Variants in SLC9C2 observed in about 807,000 individuals in gnomAD.
The protein encoded by SLC9C2 is sodium/hydrogen exchanger 11.
A neutral mutation model predicts 140.2 loss-of-function variants in SLC9C2; 75 were observed. The observed-to-expected ratio is 0.53, with a 90% CI of 0.44 to 0.65. The LOEUF is 0.65. Ranked by LOEUF, SLC9C2 falls within the 30% of genes least tolerant of loss-of-function variation. The probability of loss-of-function intolerance (pLI) is 0.00; values close to 1 mark genes in which losing one functional copy is unlikely to be tolerated. For synonymous variants in SLC9C2, 375 were observed against 420.9 expected (o/e 0.89, Z 1.34); for missense variants, 1,074 against 1,331.8 (o/e 0.81, Z 3.01).
chr1:173,585,366 A>G (rs1665789461), intron 5 of SLC9C2, among the ~76,000 whole-genome samples: 1 of 152,350 alleles, frequency 6.6e-6, no homozygotes, highest in South Asian at 2.1e-4. Flanking sequence ...GCATTTGGCA[A>G]AAAATAGTTT....
intron 4 of SLC9C2, among the ~76,000 whole-genome samples, chr1:173,589,852 G>A (rs1666056688): frequency 2.0e-5 from 3 of 152,028 alleles, no homozygotes; most frequent in South Asian, 4.1e-4. Flanking sequence ...CTAAATTTGA[G>A]GAAATTACAT....
At chr1:173,545,369 T>C (rs1319998454) in intron 13 of SLC9C2, among the ~76,000 whole-genome samples, 1 of 152,206 alleles carries the variant, frequency 6.6e-6, no homozygotes, top group Non-Finnish European at 1.5e-5. Flanking sequence ...GAAAGCCACT[T>C]GGCTACAAGC....
At chr1:173,559,047 GA>G (rs1455439846) in intron 9 of SLC9C2, among the ~76,000 whole-genome samples, 2 of 152,188 alleles carry the variant, frequency 1.3e-5, no homozygotes, top group African/African-American at 4.8e-5. Context: ...GATGAAATGA[GA>G]TAATGGATGT....
chr1:173,551,671 C>A (rs190190430), intron 11 of SLC9C2, among the ~76,000 whole-genome samples: 5 of 152,178 alleles, frequency 3.3e-5, no homozygotes, highest in African/African-American at 4.8e-5. Context: ...ACTGCACCCA[C>A]ATAGGACAAC....
chr1:173,539,839 A>G (rs1662243776), intron 13 of SLC9C2, among the ~76,000 whole-genome samples: 1 of 152,180 alleles, frequency 6.6e-6, no homozygotes, highest in African/African-American at 2.4e-5. Context: ...AGCATGCAGC[A>G]AGTCCTTCCA....
chr1:173,547,817 A>G (rs761668169), intron 12 of SLC9C2, 33 bp from the exon 13 acceptor site: 1 of 1,489,744 alleles, frequency 6.7e-7, no homozygotes, highest in Non-Finnish European at 9.3e-7. Context: ...TTAAAACATA[A>G]AGGGATAAAG....
intron 9 of SLC9C2, chr1:173,571,539 GCTGGCACATC>G (rs1332363462): frequency 6.6e-6 from 1 of 152,128 alleles, no homozygotes; most frequent in Non-Finnish European, 1.5e-5. Context: ...GCCATCTAGT[GCTGGCACATC>G]CAACTTCCTC....
intron 8 of SLC9C2, among the ~76,000 whole-genome samples, chr1:173,573,690 A>G (rs534031873): frequency 1.3e-5 from 2 of 152,338 alleles, no homozygotes; most frequent in South Asian, 4.1e-4. Flanking sequence ...TGCTACTAGT[A>G]GGTACCTCGG....
intron 5 of SLC9C2, among the ~76,000 whole-genome samples, chr1:173,584,855 CTG>C (rs1442641388): frequency 6.6e-6 from 1 of 152,164 alleles, no homozygotes; most frequent in East Asian, 1.9e-4. Context: ...CCTCTTCTCT[CTG>C]TGTTTCATTT....
At chr1:173,511,029 CTTTT>C (rs71111066) in intron 23 of SLC9C2, among the ~76,000 whole-genome samples, 2,704 of 86,516 alleles carry the variant, frequency 0.031, 9 homozygotes, top group Non-Finnish European at 0.041. Context: ...CTTTCTTTTC[CTTTT>C]TTTTTTTTTT....
intron 21 of SLC9C2, among the ~76,000 whole-genome samples, chr1:173,523,577 T>A (rs1660980099): frequency 6.6e-6 from 1 of 152,184 alleles, no homozygotes; most frequent in African/African-American, 2.4e-5. Context: ...TTCTCACTGT[T>A]CCCTATTACA....
At position 173,580,413 on chromosome 1, in the gene SLC9C2, A is replaced by G. The variant is rs531619375; in HGVS notation, c.802+1434T>C. 3.3e-5 allele frequency among the ~76,000 whole-genome samples: 5 copies of G among 151,712 alleles called. No individual in the cohort carries two copies. In the South Asian group the frequency reaches 1.0e-3, roughly 32 times the overall value. Reference sequence around the variant, plus strand: ...GTTGCCCAGGCTGAAGTGCAATGGCATGATCTTGGCTCACTGCAACCTCTG... The same window carrying G: ...GTTGCCCAGGCTGAAGTGCAATGGCGTGATCTTGGCTCACTGCAACCTCTG... On this transcript the variant is annotated intron_variant, in intron 7 of 27. Transcript: ENST00000367714.
intron 4 of SLC9C2, among the ~76,000 whole-genome samples, chr1:173,588,046 A>G (rs1485852052): frequency 1.3e-5 from 2 of 152,230 alleles, no homozygotes; most frequent in Non-Finnish European, 2.9e-5. Context: ...GACTGACTCA[A>G]CTATCTTTCT....
In SLC9C2 at chr1:173,524,046, G is replaced by T; in HGVS notation, c.2563C>A (p.Pro855Thr). The change falls in exon 21 of 28, where the codon CCA becomes ACA. Residue 855 changes from proline (P) to threonine (T), a missense_variant. Coordinates refer to ENST00000367714, the MANE Select transcript of SLC9C2 (RefSeq NM_178527.4). ...AGGTATATGTCAGGAGTTGGGGGTG[G>T]GATTGCCTTTGGAAAGTTATTTAGT... ...KALNNFPKAI[P>T]PPTPDIYLHN... The T allele has an allele frequency of 6.2e-7, 1 of 1,613,302 alleles. No individual in the cohort carries two copies. The highest frequency in any genetic ancestry group is 8.5e-7 in the Non-Finnish European group (1 of 1,179,704).
At chr1:173,516,078 T>C (rs1483313773) in intron 23 of SLC9C2, among the ~76,000 whole-genome samples, 1 of 152,188 alleles carries the variant, frequency 6.6e-6, no homozygotes, top group East Asian at 1.9e-4. Flanking sequence ...ACCGAACTGA[T>C]GCCAGTAGGA....
intron 9 of SLC9C2, 59 bp downstream of exon 9, chr1:173,573,123 T>G: frequency 7.8e-7 from 1 of 1,280,552 alleles, no homozygotes; most frequent in Non-Finnish European, 1.1e-6. Flanking sequence ...GCTTCCTAAT[T>G]CTAATTCTGG....
intron 7 of SLC9C2, among the ~76,000 whole-genome samples, chr1:173,579,680 A>C (rs1298249416): frequency 6.6e-6 from 1 of 152,254 alleles, no homozygotes; most frequent in Non-Finnish European, 1.5e-5. Context: ...ATCAGACTTC[A>C]TAATGCTCAA....
chr1:173,557,587 C>T, intron 9 of SLC9C2, 79 bp from the exon 10 acceptor site: 1 of 1,319,412 alleles, frequency 7.6e-7, no homozygotes, highest in Non-Finnish European at 1.0e-6. Context: ...GTACTAAATA[C>T]TAAATTTAAT....
At chr1:173,507,820 C>T (rs1477458400) in intron 24 of SLC9C2, among the ~76,000 whole-genome samples, 1 of 152,210 alleles carries the variant, frequency 6.6e-6, no homozygotes, top group Non-Finnish European at 1.5e-5. Context: ...ATCCTCCCAA[C>T]ACCTTGATTT....
Sources: gnomAD v4.1 joint callset for allele counts (sites outside exome capture counted in the v4.1 genomes callset) on GRCh38, gnomAD v4.1.1 for gene constraint, MANE v1.5 for transcripts, NCBI Gene and HGNC (gene_info 2026-07-23, HGNC 2026-07-21) for gene names.